The following SLC7A5 variants were observed in gnomAD, a reference collection of about 807,000 sequenced individuals.
SLC7A5 encodes the protein solute carrier family 7 member 5, also known as large neutral amino acids transporter small subunit 1.
Under a neutral mutation model 50.2 loss-of-function variants are expected in SLC7A5, and 23 were observed. That is an observed-to-expected ratio of 0.46 (90% CI 0.33 to 0.65). The LOEUF is 0.65. SLC7A5 is among the 30% of genes least tolerant of loss of function. The pLI is 0.02. For synonymous variants in SLC7A5, 393 were observed against 330.6 expected (o/e 1.19, Z -2.05); for missense variants, 578 against 684.4 (o/e 0.84, Z 1.73).
At chr16:87,839,556 C>T in intron 5 of SLC7A5, 146 bp downstream of exon 5, 1 of 1,134,538 alleles carries the variant, frequency 8.8e-7, no homozygotes, top group Non-Finnish European at 1.3e-6. Context: ...CACCACTCCA[C>T]CCCTCCGGGT....
rs1283660631 is a variant in SLC7A5 at position 87,833,752 on chromosome 16, C to A, written c.1468+662G>T. ...AGCACCCCGGCCTTTTTCTACGAGC[C>A]TGGCCACATTTGCAGGCGCTGAGGA... On this transcript the variant is annotated intron_variant, in intron 9 of 9. Coordinates refer to ENST00000261622, the MANE Select transcript of SLC7A5 (RefSeq NM_003486.7). The surrounding 1 kb of genome is among the most constrained non-coding windows in gnomAD (Gnocchi z 6.0). Among the ~76,000 whole-genome samples, 2 of 152,108 alleles carry A rather than the reference C, an allele frequency of 1.3e-5. No individual in the cohort carries two copies. The highest frequency in any genetic ancestry group is 2.9e-5 in the Non-Finnish European group (2 of 68,012).
chr16:87,850,341 TG>T (rs1344234920), intron 2 of SLC7A5, among the ~76,000 whole-genome samples: 2 of 152,118 alleles, frequency 1.3e-5, no homozygotes, highest in Admixed American at 6.5e-5. Flanking sequence ...TGGCCGTGCA[TG>T]GGGGCGGGGC....
At chr16:87,838,096 G>A (rs1178182531) in intron 6 of SLC7A5, among the ~76,000 whole-genome samples, 155 bp from the exon 7 acceptor site, 2 of 152,180 alleles carry the variant, frequency 1.3e-5, no homozygotes, top group African/African-American at 4.8e-5. Flanking sequence ...CGCTGGCTGT[G>A]GGCCTCTCAG....
At position 87,869,009 on chromosome 16, in the gene SLC7A5, G is replaced by A. The variant is rs746594726; in HGVS notation, c.414C>T (p.Leu138=). The A allele has an allele frequency of 1.9e-6, 3 of 1,611,796 alleles. No homozygotes were observed. Among genetic ancestry groups the A allele is most frequent in the Middle Eastern group, 2.3e-4 (1 of 4,442 alleles). Residue 138 remains leucine (L), a synonymous_variant, in exon 1 of 10, where the codon CTC becomes CTT. Transcript: ENST00000261622. Reference sequence around the variant, plus strand: ...TGTACTGCGATGAAGGCCGGATGATGAGCAGCTCGATCCAGAGCTTGAGGA... The same window carrying A: ...TGTACTGCGATGAAGGCCGGATGATAAGCAGCTCGATCCAGAGCTTGAGGA... ...PAFLKLWIEL[L]IIRPSSQYIV...
chr16:87,863,756 T>A (rs1567502868), intron 1 of SLC7A5: 1 of 151,812 alleles, frequency 6.6e-6, no homozygotes. Context: ...AGAAACCTTC[T>A]GTGGGACGTG....
At position 87,836,581 on chromosome 16, in the gene SLC7A5, A is replaced by G; in HGVS notation, c.1207T>C (p.Phe403Leu). The change falls in exon 8 of 10, where the codon TTC becomes CTC. Residue 403 changes from phenylalanine to leucine, a missense_variant. Around this residue, in one of 2 missense-constraint regions of SLC7A5, gnomAD observed 465 missense variants for 594.6 expected, o/e 0.78. Transcript: ENST00000261622. ...GCCAGGGCCACGCAGAGCCAGTTGAAGAAGCTGAAGAAGTTGATGACGGAG... is the reference window on the plus strand; with the variant it reads ...GCCAGGGCCACGCAGAGCCAGTTGAGGAAGCTGAAGAAGTTGATGACGGAG... ...IFSVINFFSF[F>L]NWLCVALAII... 6.2e-7 allele frequency: 1 copy of G among 1,613,750 alleles called. No homozygotes were observed. The highest frequency in any genetic ancestry group is 8.5e-7 in the Non-Finnish European group (1 of 1,180,020).
At chr16:87,840,278 C>A in intron 4 of SLC7A5, 151 bp downstream of exon 4, 1 of 731,258 alleles carries the variant, frequency 1.4e-6, no homozygotes, top group Non-Finnish European at 2.4e-6. Flanking sequence ...AGAAGCCACC[C>A]GCCCCACATC....
chr16:87,835,081 A>G (rs2054981615), intron 8 of SLC7A5, among the ~76,000 whole-genome samples: 1 of 152,272 alleles, frequency 6.6e-6, no homozygotes, highest in Admixed American at 6.5e-5. Context: ...CCGGCACAGA[A>G]GCCAGGCAGG....
chr16:87,865,621 C>T (rs183884193), intron 1 of SLC7A5, among the ~76,000 whole-genome samples: 25 of 152,170 alleles, frequency 1.6e-4, no homozygotes, highest in African/African-American at 5.5e-4. Flanking sequence ...GCAGGAGAGT[C>T]GCTTGAACCC....
rs1261978688 is a variant in SLC7A5 at position 87,833,096 on chromosome 16, C to T, written c.1469-71G>A. On this transcript the variant is annotated intron_variant, in intron 9 of 9. Transcript: ENST00000261622. This position sits in a 1 kb window ranked among gnomAD's most constrained non-coding sequence, Gnocchi z 6.0. ...CACCCGTGGGACACGGGGGCGTGAG[C>T]TGGGGCTCCCCCAGCCCTGCTGTCA... 1 of 1,305,828 alleles carries T rather than the reference C, an allele frequency of 7.7e-7. No individual in the cohort carries two copies. Among genetic ancestry groups the T allele is most frequent in the Middle Eastern group, 1.9e-4 (1 of 5,398 alleles). 80.9% of individuals were successfully genotyped at this position (1,305,828 alleles called of 1,614,324 possible).
chr16:87,848,437 G>T (rs1279266366), intron 2 of SLC7A5, among the ~76,000 whole-genome samples: 1 of 152,242 alleles, frequency 6.6e-6, no homozygotes, highest in African/African-American at 2.4e-5. Context: ...GCAACAGCCT[G>T]CGAGTGGACT....
chr16:87,842,524 G>A (rs1156527883), intron 2 of SLC7A5, among the ~76,000 whole-genome samples: 2 of 152,250 alleles, frequency 1.3e-5, no homozygotes, highest in Admixed American at 6.5e-5. Flanking sequence ...AGCCCACGGT[G>A]GGGTCCCTTC....
chr16:87,864,554 G>A (rs2055438458), intron 1 of SLC7A5, among the ~76,000 whole-genome samples: 1 of 152,156 alleles, frequency 6.6e-6, no homozygotes, highest in Non-Finnish European at 1.5e-5. Context: ...TCAGCTTGGA[G>A]TTCTACCAGC....
At chr16:87,854,290 T>C (rs1375891375) in intron 1 of SLC7A5, among the ~76,000 whole-genome samples, 1 of 152,178 alleles carries the variant, frequency 6.6e-6, no homozygotes, top group East Asian at 1.9e-4. Flanking sequence ...CTTATATTTA[T>C]TCCTTTTATA....
chr16:87,851,662 T>C (rs1318655376), intron 2 of SLC7A5, 62 bp downstream of exon 2: 13 of 1,586,948 alleles, frequency 8.2e-6, no homozygotes, highest in Non-Finnish European at 9.5e-6. Context: ...CCTCATGCCC[T>C]GTGAAGGACA....
chr16:87,868,128 A>AAG (rs1482190844), intron 1 of SLC7A5, among the ~76,000 whole-genome samples: 5 of 145,424 alleles, frequency 3.4e-5, no homozygotes, highest in African/African-American at 1.4e-4. Flanking sequence ...AAAAAAAAAA[A>AAG]AAAAAGAAAG....
At position 87,832,753 on chromosome 16, in the gene SLC7A5, G is replaced by C; in HGVS notation, c.*217C>G. ...GAGACCAAAAGCTGCTCCTGGGCAG[G>C]AGCACAGGCACACCTGGGTCCCTGG... is the stretch of plus-strand genomic sequence containing the variant. On this transcript the variant is annotated 3_prime_UTR_variant, in exon 10 of 10. Transcript: ENST00000261622. This position sits in a 1 kb window ranked among gnomAD's most constrained non-coding sequence, Gnocchi z 4.6. The C allele has an allele frequency of 1.8e-6, 1 of 545,318 alleles. No individual in the cohort carries two copies. The highest frequency in any genetic ancestry group is 2.9e-5 in the Admixed American group (1 of 34,698). 33.8% of individuals were successfully genotyped at this position (545,318 alleles called of 1,614,324 possible).
At chr16:87,866,396 G>A (rs543605441) in intron 1 of SLC7A5, among the ~76,000 whole-genome samples, 1 of 152,216 alleles carries the variant, frequency 6.6e-6, no homozygotes, top group Non-Finnish European at 1.5e-5. Flanking sequence ...CACCATGCTT[G>A]GTTCAAGCAG....
chr16:87,848,799 G>A (rs1036498112), intron 2 of SLC7A5, among the ~76,000 whole-genome samples: 11 of 152,234 alleles, frequency 7.2e-5, no homozygotes, highest in African/African-American at 2.2e-4. Flanking sequence ...AGCTCTGGAT[G>A]CGGGGCCATG....
Sources: gnomAD v4.1 joint callset for allele counts (sites outside exome capture counted in the v4.1 genomes callset) on GRCh38, gnomAD v4.1.1 for gene constraint, gnomAD v4.1.1 regional missense constraint, Gnocchi (gnomAD v3.1) non-coding constraint, MANE v1.5 for transcripts, NCBI Gene and HGNC (gene_info 2026-07-23, HGNC 2026-07-21) for gene names.